The following ME3 variants were observed in gnomAD, a reference collection of about 807,000 sequenced individuals.
ME3 encodes malic enzyme 3, also known as NADP-dependent malic enzyme, mitochondrial.
In ME3, 48 loss-of-function variants were observed where a neutral mutation model predicts 68.9. The ratio of observed to expected loss-of-function variants is 0.70; its 90% CI spans 0.55 to 0.89. The LOEUF (loss-of-function observed/expected upper bound fraction) is 0.89, where lower values mean the gene tolerates loss of function less well. Ranked by LOEUF, ME3 falls within the 40% of genes least tolerant of loss-of-function variation. ME3 has a pLI of 0.00. For synonymous variants in ME3, 320 were observed against 318.8 expected (o/e 1.00, Z -0.04); for missense variants, 675 against 797.4 (o/e 0.85, Z 1.85).
At chr11:86,671,576 C>T in intron 2 of ME3, 186 bp downstream of exon 2, 2 of 645,594 alleles carry the variant, frequency 3.1e-6, no homozygotes, top group East Asian at 3.3e-5. Context: ...CGCCTCTCTC[C>T]ACGCATAAAA....
At chr11:86,464,076 C>T (rs1228718233) in intron 8 of ME3, 1 of 446,698 alleles carries the variant, frequency 2.2e-6, no homozygotes, top group Non-Finnish European at 4.5e-6. Context: ...TAGATCTATC[C>T]CTGACTCACT....
intron 8 of ME3, among the ~76,000 whole-genome samples, chr11:86,453,593 A>G (rs1271584643): frequency 6.6e-6 from 1 of 152,208 alleles, no homozygotes; most frequent in Non-Finnish European, 1.5e-5. Context: ...ACACTTTGTA[A>G]AATTTGAATT....
intron 5 of ME3, among the ~76,000 whole-genome samples, chr11:86,507,410 C>T (rs1030286902): frequency 5.9e-5 from 9 of 152,094 alleles, no homozygotes; most frequent in African/African-American, 1.9e-4. Context: ...CCATGGCCTC[C>T]CAGGCAAGGC....
rs1227596789 is a variant in ME3, at chr11:86,447,097, A to G, written c.1348T>C (p.Cys450Arg). ...ACCCGGTAGCACTTCTCAGCCGTGC[A>G]CTCGGCCTTGCTGGTGGGGTTGCTC... Residue 450 changes from cysteine (C) to arginine (R), a missense_variant, in exon 12 of 15, where the codon TGC (cysteine) becomes CGC (arginine). Transcript: ENST00000543262. 1.9e-6 allele frequency: 3 copies of G among 1,614,134 alleles called. No homozygotes were observed. The highest frequency in any genetic ancestry group is 2.5e-6 in the Non-Finnish European group (3 of 1,180,014).
At chr11:86,450,728 G>T (rs1482058987) in intron 8 of ME3, among the ~76,000 whole-genome samples, 3 of 152,308 alleles carry the variant, frequency 2.0e-5, no homozygotes, top group Admixed American at 2.0e-4. Flanking sequence ...GAGCCTCATA[G>T]AATTATATAA....
intron 4 of ME3, among the ~76,000 whole-genome samples, chr11:86,548,433 G>A (rs1228799923): frequency 2.6e-5 from 4 of 151,992 alleles, no homozygotes; most frequent in African/African-American, 4.8e-5. Flanking sequence ...GATCTATTCC[G>A]GCATCAATTC....
intron 2 of ME3, among the ~76,000 whole-genome samples, chr11:86,646,107 A>C (rs1281796131): frequency 2.0e-5 from 3 of 152,218 alleles, no homozygotes; most frequent in Non-Finnish European, 4.4e-5. Flanking sequence ...AAACCAGGGC[A>C]AAAAGGCTGA....
At chr11:86,661,494 AG>A (rs1206845338) in intron 2 of ME3, among the ~76,000 whole-genome samples, 2 of 152,244 alleles carry the variant, frequency 1.3e-5, no homozygotes, top group Non-Finnish European at 2.9e-5. Flanking sequence ...AGCTTTCTGA[AG>A]ATGAGGTCTC....
chr11:86,482,390 A>G (rs1188364120), intron 7 of ME3, among the ~76,000 whole-genome samples: 1 of 152,032 alleles, frequency 6.6e-6, no homozygotes, highest in East Asian at 1.9e-4. Flanking sequence ...AGACATGCTC[A>G]TTGATTTTAT....
At chr11:86,648,940 A>G (rs953379558) in intron 2 of ME3, among the ~76,000 whole-genome samples, 3 of 152,204 alleles carry the variant, frequency 2.0e-5, no homozygotes, top group African/African-American at 7.2e-5. Flanking sequence ...AGCAACAGAA[A>G]AAGAAGGACT....
chr11:86,487,286 AC>A, intron 7 of ME3, 50 bp downstream of exon 7: 1 of 1,463,838 alleles, frequency 6.8e-7, no homozygotes, highest in Non-Finnish European at 9.6e-7. Context: ...GACTTTAGTC[AC>A]GGCATCTCTT....
At chr11:86,586,147 T>C (rs949349) in intron 2 of ME3, among the ~76,000 whole-genome samples, 43,103 of 152,124 alleles carry the variant, frequency 0.28, 6,407 homozygotes, top group East Asian at 0.53. Context: ...TGGAGATATT[T>C]GAGCATGTTT....
At chr11:86,615,013 G>T (rs533039975) in intron 2 of ME3, among the ~76,000 whole-genome samples, 1 of 148,866 alleles carries the variant, frequency 6.7e-6, no homozygotes, top group African/African-American at 2.5e-5. Context: ...CATTCTGGCG[G>T]AACCAAATCG....
chr11:86,479,281 A>G (rs1330218137), intron 7 of ME3, among the ~76,000 whole-genome samples: 2 of 152,184 alleles, frequency 1.3e-5, no homozygotes, highest in African/African-American at 4.8e-5. Context: ...ATACTGAGCT[A>G]TGCCACCAGT....
intron 2 of ME3, among the ~76,000 whole-genome samples, chr11:86,581,214 G>A (rs1190830054): frequency 6.6e-6 from 1 of 152,184 alleles, no homozygotes; most frequent in Admixed American, 6.5e-5. Context: ...TTTTGCTTGT[G>A]TGTGTATGTG....
intron 7 of ME3, among the ~76,000 whole-genome samples, chr11:86,484,920 G>T (rs1241475219): frequency 6.6e-6 from 1 of 152,156 alleles, no homozygotes; most frequent in African/African-American, 2.4e-5. Flanking sequence ...CTATCCGGTT[G>T]GCTACAGAGG....
intron 2 of ME3, among the ~76,000 whole-genome samples, chr11:86,620,877 GT>G (rs1304415817): frequency 1.3e-5 from 2 of 152,054 alleles, no homozygotes; most frequent in Non-Finnish European, 2.9e-5. Context: ...GTTTCCTGAG[GT>G]TTTTAAAAAA....
At chr11:86,445,040 T>C (rs7122406) in intron 13 of ME3, among the ~76,000 whole-genome samples, 16,302 of 152,154 alleles carry the variant, frequency 0.11, 1,422 homozygotes, top group African/African-American at 0.24. Flanking sequence ...CATGGTATTA[T>C]ATAGGCAGGA....
chr11:86,584,075 G>A (rs759295312), intron 2 of ME3, among the ~76,000 whole-genome samples: 77 of 152,240 alleles, frequency 5.1e-4, no homozygotes, highest in Non-Finnish European at 9.6e-4. Context: ...ATTTGATAAG[G>A]AGTTAATTTC....
Sources: gnomAD v4.1 joint callset for allele counts (sites outside exome capture counted in the v4.1 genomes callset) on GRCh38, gnomAD v4.1.1 for gene constraint, MANE v1.5 for transcripts, NCBI Gene and HGNC (gene_info 2026-07-23, HGNC 2026-07-21) for gene names.